REPS2: variants seen among roughly 807,000 people sequenced by gnomAD.
The protein encoded by REPS2 is ralBP1-associated Eps domain-containing protein 2.
Under a neutral mutation model 53.6 loss-of-function variants are expected in REPS2, and 23 were observed. That is an observed-to-expected ratio of 0.43 (90% CI 0.31 to 0.61). The LOEUF (loss-of-function observed/expected upper bound fraction) is 0.61. Ranked by LOEUF, REPS2 falls within the 20% of genes least tolerant of loss-of-function variation. The pLI is 0.11. For missense variants in REPS2, 446 were observed against 534.9 expected, an observed-to-expected ratio of 0.83 and a Z score of 1.64; for synonymous variants, 238 against 218.6, an observed-to-expected ratio of 1.09 and a Z score of -0.78.
chrX:17,174,166 G>C, the REPS2 span, among the ~76,000 whole-genome samples: 3 of 111,654 alleles, frequency 2.7e-5, no homozygotes, highest in Non-Finnish European at 5.6e-5. Flanking sequence ...AAATACCAAA[G>C]GCCTGAACTG....
intron 13 of REPS2, among the ~76,000 whole-genome samples, chrX:17,077,720 T>C (rs904528728): frequency 1.8e-5 from 2 of 112,439 alleles, no homozygotes; most frequent in African/African-American, 3.2e-5. Context: ...CTCTGCATCA[T>C]TGGTAATTTG....
chrX:17,166,329 G>C, the REPS2 span, among the ~76,000 whole-genome samples: 1 of 111,853 alleles, frequency 8.9e-6, no homozygotes, highest in South Asian at 3.8e-4. Context: ...TGGGACTCCA[G>C]TGACCGTGGG....
At chrX:17,015,861 G>A (rs1406233165) in intron 2 of REPS2, among the ~76,000 whole-genome samples, 6 of 111,686 alleles carry the variant, frequency 5.4e-5, no homozygotes, top group Admixed American at 9.5e-5. Flanking sequence ...GAATAGTGCC[G>A]CAATAAACAC....
chrX:17,005,778 G>A (rs980848438), intron 1 of REPS2, among the ~76,000 whole-genome samples: 1 of 111,822 alleles, frequency 8.9e-6, no homozygotes, highest in Non-Finnish European at 1.9e-5. Flanking sequence ...TTTGCCTGAG[G>A]ACTTTATAAA....
intron 14 of REPS2, among the ~76,000 whole-genome samples, chrX:17,121,028 C>T (rs916444183): frequency 4.5e-5 from 5 of 111,646 alleles, no homozygotes; most frequent in African/African-American, 6.5e-5. Flanking sequence ...TCCTTGAGGA[C>T]CTTTGACCGA....
rs1385212080 is a variant in REPS2, at chrX:17,103,661, T to G, written c.1517-57T>G. The G allele has an allele frequency of 1.6e-5, 18 of 1,101,244 alleles. No homozygotes were observed. The Admixed American group carries it at 4.0e-4, about 24-fold the overall frequency. The allele number at this position is 1,101,244 out of a possible 1,213,427, so 90.8% of individuals were successfully genotyped here. On this transcript the variant is annotated intron_variant, in intron 13 of 17. Transcript: ENST00000357277. ...CATTCCAAGTTAACAAGCATAAGAG[T>G]TTTTTGTTGTTTATTTTTGGGGGGT...
chrX:17,001,181 G>A (rs2061302263), intron 1 of REPS2, among the ~76,000 whole-genome samples: 1 of 112,522 alleles, frequency 8.9e-6, no homozygotes. Flanking sequence ...TAGAAAATTA[G>A]TATTTAACTG....
intron 3 of REPS2, among the ~76,000 whole-genome samples, chrX:17,023,166 G>A (rs756286634): frequency 8.9e-6 from 1 of 112,729 alleles, no homozygotes; most frequent in African/African-American, 3.2e-5. Flanking sequence ...GGTGGCTCAC[G>A]CCTGTAATCC....
intron 1 of REPS2, among the ~76,000 whole-genome samples, chrX:16,971,027 C>T (rs1051197773): frequency 5.3e-5 from 6 of 112,236 alleles, no homozygotes; most frequent in Admixed American, 2.8e-4. Context: ...ATTGTTGTGT[C>T]GTATGGTAAC....
chrX:16,963,277 C>G (rs1204209197), intron 1 of REPS2, among the ~76,000 whole-genome samples: 1 of 112,121 alleles, frequency 8.9e-6, no homozygotes, highest in South Asian at 3.7e-4. Context: ...AAAAATCTTA[C>G]AATCCTCTTC....
intron 14 of REPS2, among the ~76,000 whole-genome samples, chrX:17,115,820 C>G (rs750161972): frequency 1.8e-5 from 2 of 112,044 alleles, no homozygotes; most frequent in South Asian, 3.7e-4. Context: ...TGACACAGCA[C>G]GTGTTTCAGA....
intron 13 of REPS2, among the ~76,000 whole-genome samples, chrX:17,101,833 G>GT (rs1264951791): frequency 8.2e-5 from 9 of 110,114 alleles, no homozygotes; most frequent in African/African-American, 3.0e-4. Context: ...TTTTCTATGT[G>GT]TTTTTGGTTG....
At chrX:16,991,246 C>T (rs2061159950) in intron 1 of REPS2, among the ~76,000 whole-genome samples, 2 of 111,442 alleles carry the variant, frequency 1.8e-5, no homozygotes, top group Non-Finnish European at 3.8e-5. Flanking sequence ...ACTCGTTTTT[C>T]CCAAGCGATT....
At chrX:17,119,597 C>T (rs1227812901) in intron 14 of REPS2, among the ~76,000 whole-genome samples, 5 of 111,800 alleles carry the variant, frequency 4.5e-5, no homozygotes, top group Non-Finnish European at 5.6e-5. Flanking sequence ...CTTTATCCTG[C>T]GTCACCCTCT....
intron 1 of REPS2, among the ~76,000 whole-genome samples, chrX:16,967,193 T>A (rs2060780938): frequency 8.9e-6 from 1 of 112,138 alleles, no homozygotes; most frequent in Non-Finnish European, 1.9e-5. Context: ...AATTTCAGTT[T>A]CCATAAACAG....
intron 11 of REPS2, among the ~76,000 whole-genome samples, chrX:17,073,685 T>TA (rs1490891564): frequency 1.8e-5 from 2 of 108,726 alleles, no homozygotes; most frequent in South Asian, 4.1e-4. Flanking sequence ...TTTTTTTTTT[T>TA]AAAACGTGTA....
At chrX:17,112,508 T>A (rs2062985286) in intron 14 of REPS2, among the ~76,000 whole-genome samples, 1 of 111,773 alleles carries the variant, frequency 8.9e-6, no homozygotes, top group Admixed American at 9.5e-5. Flanking sequence ...TTCAAAAGAT[T>A]GAAATTATAT....
At chrX:17,077,521 A>G in intron 13 of REPS2, 114 bp downstream of exon 13, 1 of 794,784 alleles carries the variant, frequency 1.3e-6, no homozygotes, top group Non-Finnish European at 1.7e-6. Flanking sequence ...GCAGTTTCGC[A>G]TTCCGTGAAG....
chrX:17,148,701 G>A lies in REPS2; in HGVS notation c.*1220G>A. The stretch of plus-strand genomic sequence containing the variant: ...TCCTACAGAAATTTAAGTAGCTACT[G>A]CTTCTCCTGAAAGCCCAAGTTGAAA... On this transcript the variant is annotated 3_prime_UTR_variant, in exon 18 of 18. Transcript: ENST00000357277. The A allele has an allele frequency of 5.3e-6, 1 of 187,127 alleles. No homozygotes were observed. The highest frequency in any genetic ancestry group is 1.0e-5 in the Non-Finnish European group (1 of 98,650). 15.4% of individuals were successfully genotyped at this position (187,127 alleles called of 1,213,427 possible).
Sources: gnomAD v4.1 joint callset for allele counts (sites outside exome capture counted in the v4.1 genomes callset) on GRCh38, gnomAD v4.1.1 for gene constraint, MANE v1.5 for transcripts, NCBI Gene and HGNC (gene_info 2026-07-23, HGNC 2026-07-21) for gene names.